Variants in PSMC6 observed in about 807,000 individuals in gnomAD.
The protein encoded by PSMC6 is proteasome 26S subunit, ATPase 6.
In PSMC6, 3 loss-of-function variants were observed where a neutral mutation model predicts 55.9. The ratio of observed to expected loss-of-function variants is 0.05; its 90% confidence interval spans 0.02 to 0.14. PSMC6 has a LOEUF of 0.14. Among genes scored for constraint, PSMC6 ranks in the 10% least tolerant of loss-of-function variants. The pLI, the probability that PSMC6 is intolerant of heterozygous loss-of-function variation, is 1.00. For missense variants in PSMC6, 210 were observed against 478.7 expected, an observed-to-expected ratio of 0.44 and a Z score of 5.24; for synonymous variants, 137 against 155.9, an observed-to-expected ratio of 0.88 and a Z score of 0.90.
chr14:52,722,832 G>A (rs150330904), intron 12 of PSMC6: 31 of 152,270 alleles, frequency 2.0e-4, no homozygotes, highest in African/African-American at 5.8e-4. Context: ...TGGAATAGCT[G>A]AGTTGAATAG....
chr14:52,726,674 C>T (rs1880426914), intron 13 of PSMC6, among the ~76,000 whole-genome samples: 1 of 152,150 alleles, frequency 6.6e-6, no homozygotes, highest in Non-Finnish European at 1.5e-5. Context: ...CAGAGCCTCA[C>T]TCTGTCACCC....
At chr14:52,709,667 C>T in intron 4 of PSMC6, 1 of 436,018 alleles carries the variant, frequency 2.3e-6, no homozygotes, top group Non-Finnish European at 4.5e-6. Flanking sequence ...ATTAGAAAAG[C>T]CGAAGTATAT....
At chr14:52,707,642 G>C in intron 1 of PSMC6, 1 of 268,454 alleles carries the variant, frequency 3.7e-6, no homozygotes, top group Non-Finnish European at 7.3e-6. Context: ...GAGAGGGGAA[G>C]GCGCTTGAGT....
intron 13 of PSMC6, 77 bp from the exon 14 acceptor site, chr14:52,727,422 A>T (rs912496766): frequency 9.3e-6 from 9 of 965,438 alleles, no homozygotes; most frequent in Non-Finnish European, 1.1e-5. Context: ...TATTCCATAG[A>T]ATTATATTGT....
intron 9 of PSMC6, 62 bp downstream of exon 9, chr14:52,718,414 T>TC: frequency 1.3e-6 from 2 of 1,510,658 alleles, no homozygotes; most frequent in Non-Finnish European, 1.8e-6. Context: ...AGAACCTTTT[T>TC]CCCTCTCTTA....
chr14:52,708,417 G>C, intron 2 of PSMC6, 29 bp downstream of exon 2: 1 of 1,611,814 alleles, frequency 6.2e-7, no homozygotes. Flanking sequence ...GGAATAGGGG[G>C]TGATGGTAAT....
intron 4 of PSMC6, chr14:52,709,648 C>A (rs545126463): frequency 6.8e-6 from 3 of 440,766 alleles, no homozygotes; most frequent in South Asian, 4.9e-5. Flanking sequence ...TATTTGAAGA[C>A]TAAAAAACAT....
At chr14:52,710,767 C>T (rs2041763295) in intron 4 of PSMC6, 1 of 306,788 alleles carries the variant, frequency 3.3e-6, no homozygotes, top group African/African-American at 2.2e-5. Flanking sequence ...CTTCCCTTTC[C>T]TTTCCCTAAA....
chr14:52,714,651 C>T (rs1379054340), intron 7 of PSMC6, among the ~76,000 whole-genome samples: 2 of 151,954 alleles, frequency 1.3e-5, no homozygotes, highest in African/African-American at 4.8e-5. Flanking sequence ...CACCAGAGGT[C>T]AGGAGTTTGA....
chr14:52,725,917 C>G (rs566568475), intron 13 of PSMC6, among the ~76,000 whole-genome samples: 3 of 152,350 alleles, frequency 2.0e-5, no homozygotes, highest in East Asian at 3.9e-4. Flanking sequence ...CTGTAGCTTT[C>G]TAAACAAGTT....
At chr14:52,712,653 G>A (rs979626789) in intron 6 of PSMC6, among the ~76,000 whole-genome samples, 1 of 151,806 alleles carries the variant, frequency 6.6e-6, no homozygotes, top group African/African-American at 2.4e-5. Context: ...GACAGGGTCT[G>A]GTTCTTTTGC....
At chr14:52,711,300 C>G in intron 5 of PSMC6, 110 bp from the exon 6 acceptor site, 1 of 1,267,434 alleles carries the variant, frequency 7.9e-7, no homozygotes, top group African/African-American at 1.5e-5. Context: ...TTAAGCACAT[C>G]TTTATGAGAT....
In PSMC6 at chr14:52,707,256, C is replaced by G; in HGVS notation, c.37C>G (p.Arg13Gly). 1.2e-6 allele frequency: 2 copies of G among 1,614,138 alleles called. No individual in the cohort carries two copies. The highest frequency in any genetic ancestry group is 8.5e-7 in the Non-Finnish European group (1 of 1,180,016). ...DPRDKALQDY[R>G]KKLLEHKEID... is the part of the protein sequence containing the mutation. ...TAGAGATAAGGCGCTTCAGGACTAC[C>G]GCAAGAAGTTGCTTGAACACAAGGA... Residue 13 changes from arginine (R) to glycine (G), a missense_variant, in exon 1 of 14, where the codon CGC (arginine) becomes GGC (glycine). By Grantham distance (125) the Arg-to-Gly change is moderately radical. This residue lies in a region of PSMC6 where 26 missense variants were observed against 16.9 expected (regional missense o/e 1.54). Transcript: ENST00000445930.
intron 3 of PSMC6, 45 bp downstream of exon 3, chr14:52,708,567 C>T (rs2041730420): frequency 3.2e-6 from 5 of 1,576,246 alleles, no homozygotes; most frequent in Non-Finnish European, 4.3e-6. Context: ...AACAGTCCAC[C>T]TCTCTCTCAC....
At chr14:52,727,322 C>A (rs1333418209) in intron 13 of PSMC6, among the ~76,000 whole-genome samples, 177 bp from the exon 14 acceptor site, 1 of 152,098 alleles carries the variant, frequency 6.6e-6, no homozygotes, top group Admixed American at 6.6e-5. Flanking sequence ...AGCCACCGCA[C>A]CCGGCCTGTG....
chr14:52,727,422 A>G (rs912496766), intron 13 of PSMC6, 77 bp from the exon 14 acceptor site: 2 of 965,438 alleles, frequency 2.1e-6, no homozygotes, highest in African/African-American at 3.4e-5. Context: ...TATTCCATAG[A>G]ATTATATTGT....
chr14:52,709,501 T>C (rs1263005758), intron 4 of PSMC6: 1 of 435,912 alleles, frequency 2.3e-6, no homozygotes, highest in Non-Finnish European at 4.5e-6. Context: ...TTGCCTAGTA[T>C]ATAAGCGGTT....
chr14:52,710,897 G>A (rs2041764741), intron 4 of PSMC6: 1 of 578,810 alleles, frequency 1.7e-6, no homozygotes, highest in Admixed American at 3.1e-5. Context: ...ATTACACAAA[G>A]GGGCATGCTT....
intron 1 of PSMC6, 36 bp from the exon 2 acceptor site, chr14:52,708,273 T>C (rs774288689): frequency 2.4e-5 from 37 of 1,540,244 alleles, no homozygotes; most frequent in Non-Finnish European, 3.1e-5. Flanking sequence ...CTAAGATTAC[T>C]GTTCAATTAA....
Sources: gnomAD v4.1 joint callset for allele counts (sites outside exome capture counted in the v4.1 genomes callset) on GRCh38, gnomAD v4.1.1 for gene constraint, gnomAD v4.1.1 regional missense constraint, MANE v1.5 for transcripts, NCBI Gene and HGNC (gene_info 2026-07-23, HGNC 2026-07-21) for gene names.